The following GRID1 variants were observed in gnomAD, a reference collection of about 807,000 sequenced individuals.
GRID1 encodes the protein glutamate ionotropic receptor delta type subunit 1, also known as glutamate receptor ionotropic, delta-1.
A neutral mutation model predicts 98.0 loss-of-function variants in GRID1; 28 were observed. The ratio of observed to expected loss-of-function variants is 0.29; its 90% CI spans 0.21 to 0.39. GRID1 has a LOEUF of 0.39. Ranked by LOEUF, GRID1 falls within the 10% of genes least tolerant of loss-of-function variation. The pLI is 1.00. For synonymous variants in GRID1, 553 were observed against 538.5 expected, an observed-to-expected ratio of 1.03 and a Z score of -0.37; for missense variants, 1,111 against 1,340.5, an observed-to-expected ratio of 0.83 and a Z score of 2.67.
chr10:85,640,168 G>C (rs181069965), intron 13 of GRID1, among the ~76,000 whole-genome samples: 1 of 152,354 alleles, frequency 6.6e-6, no homozygotes, highest in Admixed American at 6.5e-5. Flanking sequence ...GGATGAGTAA[G>C]TTCATAAATG....
chr10:86,229,961 A>G (rs913405807), intron 2 of GRID1, among the ~76,000 whole-genome samples: 1 of 152,226 alleles, frequency 6.6e-6, no homozygotes, highest in Non-Finnish European at 1.5e-5. Context: ...TGGGATCCCC[A>G]GAGCCTGGCC....
intron 2 of GRID1, among the ~76,000 whole-genome samples, chr10:86,303,122 A>T (rs1465776941): frequency 1.3e-5 from 2 of 152,252 alleles, no homozygotes; most frequent in Non-Finnish European, 2.9e-5. Flanking sequence ...TCTGCTAGGC[A>T]TGAAATGTAG....
intron 2 of GRID1, among the ~76,000 whole-genome samples, chr10:86,243,964 C>G (rs1846679258): frequency 6.6e-6 from 1 of 152,176 alleles, no homozygotes; most frequent in African/African-American, 2.4e-5. Flanking sequence ...CCTGCACATA[C>G]ATGCACACAC....
intron 12 of GRID1, among the ~76,000 whole-genome samples, chr10:85,652,631 A>T (rs1226761346): frequency 1.3e-5 from 2 of 152,130 alleles, no homozygotes; most frequent in Non-Finnish European, 2.9e-5. Context: ...TTGGCTCTAC[A>T]AGAGATGATG....
At chr10:85,701,662 G>C (rs1841452547) in intron 12 of GRID1, among the ~76,000 whole-genome samples, 1 of 152,132 alleles carries the variant, frequency 6.6e-6, no homozygotes, top group African/African-American at 2.4e-5. Flanking sequence ...TATGGAAAGA[G>C]CTCTCCACAT....
At chr10:85,644,924 AT>A (rs1843166185) in intron 13 of GRID1, among the ~76,000 whole-genome samples, 1 of 152,206 alleles carries the variant, frequency 6.6e-6, no homozygotes, top group Non-Finnish European at 1.5e-5. Context: ...ACATCTCTTC[AT>A]TTGATTACTG....
intron 4 of GRID1, among the ~76,000 whole-genome samples, chr10:85,969,041 C>T (rs1935494): frequency 0.066 from 9,974 of 152,134 alleles, 1,062 homozygotes; most frequent in African/African-American, 0.22. Context: ...GCTGAAGTGG[C>T]TGTACTAATA....
At chr10:86,175,089 C>T (rs547882813) in intron 3 of GRID1, among the ~76,000 whole-genome samples, 2 of 152,324 alleles carry the variant, frequency 1.3e-5, no homozygotes, top group African/African-American at 4.8e-5. Context: ...CAAGGCAGCA[C>T]ACCAGTATTC....
intron 4 of GRID1, among the ~76,000 whole-genome samples, chr10:85,981,037 C>G (rs192800617): frequency 1.5e-3 from 226 of 152,270 alleles, no homozygotes; most frequent in Non-Finnish European, 2.4e-3. Context: ...CGTGGAGGGG[C>G]CACTAGCTCC....
chr10:85,741,545 T>C (rs1229286934), intron 8 of GRID1, among the ~76,000 whole-genome samples: 2 of 152,142 alleles, frequency 1.3e-5, no homozygotes, highest in African/African-American at 2.4e-5. Flanking sequence ...GAACAGTTTC[T>C]ATATCAGGGT....
chr10:85,865,296 T>C (rs1005908438), intron 6 of GRID1, among the ~76,000 whole-genome samples: 1 of 152,212 alleles, frequency 6.6e-6, no homozygotes, highest in Non-Finnish European at 1.5e-5. Flanking sequence ...CCAGGGACTT[T>C]CCTTCTGCTA....
At chr10:86,270,855 T>C (rs1589433073) in intron 2 of GRID1, among the ~76,000 whole-genome samples, 1 of 152,086 alleles carries the variant, frequency 6.6e-6, no homozygotes, top group East Asian at 1.9e-4. Context: ...GAGAAGGCAA[T>C]GAAGGACAGT....
At chr10:86,162,654 G>T (rs919476398) in intron 3 of GRID1, among the ~76,000 whole-genome samples, 8 of 152,224 alleles carry the variant, frequency 5.3e-5, no homozygotes, top group Non-Finnish European at 1.0e-4. Context: ...GAGGCAAAAA[G>T]TCTGTCTGGA....
chr10:85,604,203 C>T (rs1465113465), intron 15 of GRID1, among the ~76,000 whole-genome samples: 1 of 152,204 alleles, frequency 6.6e-6, no homozygotes, highest in African/African-American at 2.4e-5. Context: ...GGGACCACTG[C>T]TCTCTCCGCA....
At chr10:85,985,023 G>A (rs1032034336) in intron 4 of GRID1, among the ~76,000 whole-genome samples, 2 of 152,118 alleles carry the variant, frequency 1.3e-5, no homozygotes, top group African/African-American at 4.8e-5. Flanking sequence ...CCTCTGCATT[G>A]TAGGATTTTT....
Position 86,366,149 on chromosome 10 carries a change from G to A in GRID1, c.79+165C>T, listed in dbSNP as rs1392082922. ...GGCAAGCAGCCAGCGGGAGCGCGGC[G>A]CGGCCGGTGCACAGCTCCTCCGCCG... On this transcript the variant is annotated intron_variant, in intron 1 of 15. Transcript: ENST00000327946. This position sits in a 1 kb window ranked among gnomAD's most constrained non-coding sequence, Gnocchi z 4.1. 5.3e-5 allele frequency among the ~76,000 whole-genome samples: 8 copies of A among 151,630 alleles called. No homozygotes were observed. Among genetic ancestry groups the A allele is most frequent in the African/African-American group, 1.9e-4 (8 of 41,342 alleles).
intron 12 of GRID1, among the ~76,000 whole-genome samples, chr10:85,684,720 C>A (rs924742887): frequency 2.0e-5 from 3 of 152,146 alleles, no homozygotes; most frequent in Non-Finnish European, 4.4e-5. Flanking sequence ...TGCCATAATA[C>A]AATATCATAG....
rs191447659 is a variant in GRID1, at chr10:85,629,425, A to G, written c.2194-9392T>C. On this transcript the variant is annotated intron_variant, in intron 13 of 15. Coordinates refer to ENST00000327946, the MANE Select transcript of GRID1 (RefSeq NM_017551.3). ...AAGTCTCTAATGTCTATTATTCCAC[A>G]CTCGATGTCCAGGTGTACACATTAT... Among the ~76,000 whole-genome samples, 547 of 144,564 alleles carry G rather than the reference A, an allele frequency of 3.8e-3. 7 individuals are homozygous for G. The highest frequency in any genetic ancestry group is 0.014 in the African/African-American group (522 of 38,476). 94.8% of individuals were successfully genotyped at this position (144,564 alleles called of 152,430 possible). A position where few individuals can be genotyped will look rare whatever the true frequency, so the allele number is the denominator to read the frequency against.
At chr10:85,872,547 A>G (rs1843288759) in intron 5 of GRID1, among the ~76,000 whole-genome samples, 1 of 152,240 alleles carries the variant, frequency 6.6e-6, no homozygotes, top group Admixed American at 6.5e-5. Context: ...ACAAAGTTGC[A>G]CAGTACGTTT....
Sources: allele counts gnomAD v4.1 joint callset (sites outside exome capture counted in the v4.1 genomes callset), GRCh38; gene constraint gnomAD v4.1.1; non-coding constraint Gnocchi (gnomAD v3.1); transcripts MANE v1.5; gene names NCBI Gene and HGNC (gene_info 2026-07-23, HGNC 2026-07-21).